The following DQX1 variants were observed in gnomAD, a reference collection of about 807,000 sequenced individuals.
The protein encoded by DQX1 is DEAQ-box RNA dependent ATPase 1.
In DQX1, 66 loss-of-function variants were observed where a neutral mutation model predicts 81.3. That is an observed-to-expected ratio of 0.81 (90% confidence interval 0.67 to 1.00). The LOEUF (loss-of-function observed/expected upper bound fraction) is 1.00, where lower values mean the gene tolerates loss of function less well. Among genes scored for constraint, DQX1 ranks in the 50% least tolerant of loss-of-function variants. The pLI is 0.00. For synonymous variants in DQX1, 290 were observed against 350.0 expected (o/e 0.83, Z 1.91); for missense variants, 798 against 867.9 (o/e 0.92, Z 1.01).
Position 74,525,454 on chromosome 2 carries a change from A to G in DQX1, c.237+39T>C. On this transcript the variant is annotated intron_variant, in intron 2 of 11. Coordinates refer to ENST00000404568, the MANE Select transcript of DQX1 (RefSeq NM_133637.3). This position sits in a 1 kb window ranked among gnomAD's most constrained non-coding sequence, Gnocchi z 4.1. ...TCCTCCCTTTGTCCTCCCTTTGTCC[A>G]CTCCCAGAATCTGCCTGCCCCCACA... The G allele has an allele frequency of 6.5e-7, 1 of 1,538,980 alleles. No homozygotes were observed. The highest frequency in any genetic ancestry group is 8.8e-7 in the Non-Finnish European group (1 of 1,138,258).
In DQX1 at chr2:74,522,635, G is replaced by A; in HGVS notation, c.1440C>T (p.Ala480=). 6.2e-7 allele frequency: 1 copy of A among 1,614,230 alleles called. No individual in the cohort carries two copies. The highest frequency in any genetic ancestry group is 8.5e-7 in the Non-Finnish European group (1 of 1,180,044). The part of the protein sequence containing the change: ...LAPELAKALL[A]SCEFDCVDEM... ...CGTCCACACAGTCAAACTCGCATGA[G>A]GCCAGCAGGGCTTTGGCCAGCTCAG... Residue 480 remains alanine, a synonymous_variant, in exon 8 of 12, where the codon GCC becomes GCT. Transcript: ENST00000404568.
chr2:74,523,645 C>T, intron 4 of DQX1, 108 bp from the exon 5 acceptor site: 1 of 1,086,992 alleles, frequency 9.2e-7, no homozygotes, highest in Non-Finnish European at 1.3e-6. Flanking sequence ...TGAGAAAATG[C>T]AAATTACTCA....
In DQX1 at chr2:74,519,586, C is replaced by T; in HGVS notation, c.1776G>A (p.Gln592=). 1 of 1,614,224 alleles carries T rather than the reference C, an allele frequency of 6.2e-7. No homozygotes were observed. Among genetic ancestry groups the T allele is most frequent in the East Asian group, 2.2e-5 (1 of 44,892 alleles). The change falls in exon 10 of 12, where the codon CAG becomes CAA. Residue 592 remains glutamine, a synonymous_variant. Coordinates refer to ENST00000404568, the MANE Select transcript of DQX1 (RefSeq NM_133637.3). ...FGSEQNRRDL[Q]KALVSGYFLK... is the part of the protein sequence containing the mutation. ...GAAAGTATCCTGACACCAGTGCTTT[C>T]TGAAGGTCTCTGCGATTCTGCTCAG...
rs776174287 is a variant in DQX1, at chr2:74,522,780, G to A, written c.1304-9C>T. On this transcript the variant is annotated splice_polypyrimidine_tract_variant and intron_variant, in intron 7 of 11. Transcript: ENST00000404568. The stretch of plus-strand genomic sequence containing the variant: ...CATCAGTGCTTCTGGAGCTGGTGAG[G>A]AAACAGGGCTTACAGGATATGAAGT... 3.7e-6 allele frequency: 6 copies of A among 1,614,060 alleles called. No homozygotes were observed. The highest frequency in any genetic ancestry group is 1.3e-5 in the African/African-American group (1 of 75,040).
chr2:74,525,192 CACT>C lies in DQX1; in HGVS notation c.245_247del (p.Gln82_Trp83delinsArg). The C allele has an allele frequency of 1.3e-6, 2 of 1,568,600 alleles. No individual in the cohort carries two copies. Among genetic ancestry groups the C allele is most frequent in the Non-Finnish European group, 1.7e-6 (2 of 1,154,558 alleles). On this transcript the variant is annotated inframe_deletion, in exon 3 of 12. Transcript: ENST00000404568. The surrounding 1 kb of genome is among the most constrained non-coding windows in gnomAD (Gnocchi z 4.1). ...TCTGGCCAGCGCAAACTCTGCACAC[CACT>C]GAGGGATCTGGGATAGAAGTAGGGA...
In DQX1 at chr2:74,523,359, G is replaced by A. The variant is rs1241432586; in HGVS notation, c.995C>T (p.Ser332Phe). The change falls in exon 5 of 12, where the codon TCC becomes TTC. Residue 332 changes from serine to phenylalanine, a missense_variant. Coordinates refer to ENST00000404568, the MANE Select transcript of DQX1 (RefSeq NM_133637.3). The part of the protein sequence containing the change: ...VTHWLADFSF[S>F]LPSIQHVIDS... ...GATGACATGTTGGATGGAAGGGAGG[G>A]AGAAGGAGAAGTCAGCCAGCCAGTG... The A allele has an allele frequency of 1.9e-6, 3 of 1,614,218 alleles. No individual in the cohort carries two copies. Among genetic ancestry groups the A allele is most frequent in the African/African-American group, 1.3e-5 (1 of 75,060 alleles).
chr2:74,520,747 C>T (rs746227064), intron 8 of DQX1, among the ~76,000 whole-genome samples: 2 of 151,950 alleles, frequency 1.3e-5, no homozygotes, highest in Non-Finnish European at 1.5e-5. Flanking sequence ...GATCATGGCC[C>T]GTTGCAGCCT....
intron 8 of DQX1, among the ~76,000 whole-genome samples, chr2:74,522,294 A>G (rs1352877854): frequency 3.3e-5 from 5 of 152,236 alleles, no homozygotes; most frequent in Non-Finnish European, 2.9e-5. Flanking sequence ...AACAGGATAG[A>G]AATCATGCTG....
intron 8 of DQX1, 31 bp from the exon 9 acceptor site, chr2:74,520,065 G>A (rs371111494): frequency 1.2e-6 from 2 of 1,600,716 alleles, no homozygotes; most frequent in Non-Finnish European, 1.7e-6. Flanking sequence ...GGTAGAATCT[G>A]CCATTTGGGA....
intron 8 of DQX1, among the ~76,000 whole-genome samples, chr2:74,521,687 A>T (rs563911157): frequency 1.7e-4 from 26 of 150,456 alleles, no homozygotes; most frequent in Admixed American, 1.3e-3. Context: ...AGAAACGTTC[A>T]TCAGGAGTTG....
chr2:74,518,148 T>G lies in DQX1; in HGVS notation c.*298A>C. ...ACTAAAACTTGGCATCATAGAAAAATCTTTTATAGATCACAAGGGAGTACA... is the reference window on the plus strand; with the variant it reads ...ACTAAAACTTGGCATCATAGAAAAAGCTTTTATAGATCACAAGGGAGTACA... On this transcript the variant is annotated 3_prime_UTR_variant, in exon 12 of 12. Coordinates refer to ENST00000404568, the MANE Select transcript of DQX1 (RefSeq NM_133637.3). The G allele has an allele frequency of 3.4e-6, 1 of 292,444 alleles. No homozygotes were observed. Among genetic ancestry groups the G allele is most frequent in the Non-Finnish European group, 6.3e-6 (1 of 158,038 alleles). The allele number at this position is 292,444 out of a possible 1,614,324, so 18.1% of individuals were successfully genotyped here.
At chr2:74,522,230 C>G (rs999973439) in intron 8 of DQX1, among the ~76,000 whole-genome samples, 13 of 152,194 alleles carry the variant, frequency 8.5e-5, no homozygotes, top group Non-Finnish European at 1.9e-4. Flanking sequence ...AGCTGTTTCA[C>G]TGGCATGGTA....
rs758995202 is a variant in DQX1, at chr2:74,519,960, C to T, written c.1570G>A (p.Gly524Ser). Residue 524 changes from glycine to serine, a missense_variant, in exon 9 of 12, where the codon GGT (glycine) becomes AGT (serine). Coordinates refer to ENST00000404568, the MANE Select transcript of DQX1 (RefSeq NM_133637.3). Reference sequence around the variant, plus strand: ...ACCTGGATCAGAGAACTGTGGTCACCATCCGTGTGTTCCAGGGCCCGACGC... The same window carrying T: ...ACCTGGATCAGAGAACTGTGGTCACTATCCGTGTGTTCCAGGGCCCGACGC... ...ALRRALEHTD[G>S]DHSSLIQVYE... is the part of the protein sequence containing the mutation. 6.2e-6 allele frequency: 10 copies of T among 1,614,076 alleles called. No individual in the cohort carries two copies. Among genetic ancestry groups the T allele is most frequent in the Admixed American group, 1.7e-5 (1 of 60,006 alleles).
chr2:74,524,203 G>T lies in DQX1; in HGVS notation c.536C>A (p.Ser179Ter). 3 of 1,614,126 alleles carry T rather than the reference G, an allele frequency of 1.9e-6. No homozygotes were observed. Among genetic ancestry groups the T allele is most frequent in the Non-Finnish European group, 2.5e-6 (3 of 1,180,024 alleles). ...TTGCAGTAGCCCCTGGAGTGAATCT[G>T]ATGCCACCGACCGCTCCTGAGCCTC... ...LDEAQERSVA[S>*]DSLQGLLQDA... is the part of the protein sequence containing the mutation. Residue 179 changes from serine to a stop codon, truncating the protein, a stop_gained, in exon 4 of 12, where the codon TCA becomes TAA. Coordinates refer to ENST00000404568, the MANE Select transcript of DQX1 (RefSeq NM_133637.3). LOFTEE classifies it high-confidence loss of function.
chr2:74,521,204 G>A (rs1378036949), intron 8 of DQX1, among the ~76,000 whole-genome samples: 1 of 152,240 alleles, frequency 6.6e-6, no homozygotes, highest in Non-Finnish European at 1.5e-5. Context: ...GGTCTAGAGT[G>A]ATGGTAGCAG....
chr2:74,520,093 G>T (rs1402558262), intron 8 of DQX1, 59 bp from the exon 9 acceptor site: 2 of 1,581,408 alleles, frequency 1.3e-6, no homozygotes, highest in African/African-American at 1.4e-5. Context: ...AGGGATAGTA[G>T]TACAGGTAGA....
rs775977613 is a variant in DQX1, at chr2:74,519,158, A to G, written c.1879T>C (p.Tyr627His). Residue 627 changes from tyrosine (Y) to histidine (H), a missense_variant, in exon 11 of 12, where the codon TAC becomes CAC. Tyr to His is a moderately conservative substitution (Grantham distance 83). Coordinates refer to ENST00000404568, the MANE Select transcript of DQX1 (RefSeq NM_133637.3). Reference protein sequence around the residue: ...THKHVAQLSSYCCYRSRRAPA... With the variant: ...THKHVAQLSSHCCYRSRRAPA... ...GCTCTGCGGCTTCGGTAGCAGCAGT[A>G]TGAGGAGAGCTGGGCCACATGCTTA... is the stretch of plus-strand genomic sequence containing the variant. The G allele has an allele frequency of 3.7e-6, 6 of 1,613,242 alleles. No individual in the cohort carries two copies. The highest frequency in any genetic ancestry group is 5.1e-6 in the Non-Finnish European group (6 of 1,179,622).
In DQX1 at chr2:74,525,690, G is replaced by A. The variant is rs755878191; in HGVS notation, c.40C>T (p.Pro14Ser). 3 of 1,551,718 alleles carry A rather than the reference G, an allele frequency of 1.9e-6. No homozygotes were observed. Among genetic ancestry groups the A allele is most frequent in the South Asian group, 2.4e-5 (2 of 84,068 alleles). Residue 14 changes from proline (P) to serine (S), a missense_variant, in exon 2 of 12, where the codon CCA (proline) becomes TCA (serine). By Grantham distance (74) the Pro-to-Ser change is moderately conservative (BLOSUM62 -1). Coordinates refer to ENST00000404568, the MANE Select transcript of DQX1 (RefSeq NM_133637.3). The surrounding 1 kb of genome is among the most constrained non-coding windows in gnomAD (Gnocchi z 4.1). ...GCCAGTTCAGACTCCCCAGGACTTG[G>A]GCCATACTCTTCTGCTAGCCTGAGA... ...QPLRLAEEYG[P>S]SPGESELAVN... is the part of the protein sequence containing the mutation.
chr2:74,519,333 T>C, intron 10 of DQX1, 103 bp from the exon 11 acceptor site: 2 of 1,372,828 alleles, frequency 1.5e-6, no homozygotes, highest in Non-Finnish European at 9.9e-7. Context: ...GATGAGAGCA[T>C]GAAAAGTAAA....
Sources: allele counts gnomAD v4.1 joint callset (sites outside exome capture counted in the v4.1 genomes callset), GRCh38; gene constraint gnomAD v4.1.1; non-coding constraint Gnocchi (gnomAD v3.1); transcripts MANE v1.5; gene names NCBI Gene and HGNC (gene_info 2026-07-23, HGNC 2026-07-21).